HK1: variants seen among roughly 807,000 people sequenced by gnomAD.
HK1 encodes hexokinase-1.
A neutral mutation model predicts 91.6 loss-of-function variants in HK1; 28 were observed. The ratio of observed to expected loss-of-function variants is 0.31; its 90% CI spans 0.23 to 0.42. The LOEUF (loss-of-function observed/expected upper bound fraction) is 0.42, where lower values mean the gene tolerates loss of function less well. HK1 is among the 10% of genes least tolerant of loss of function. The probability of loss-of-function intolerance (pLI) is 1.00; values close to 1 mark genes in which losing one functional copy is unlikely to be tolerated. For missense variants in HK1, 770 were observed against 1,219.8 expected, an observed-to-expected ratio of 0.63 and a Z score of 5.49; for synonymous variants, 430 against 468.1, an observed-to-expected ratio of 0.92 and a Z score of 1.05.
At chr10:69,304,560 G>C (rs1453528870) in intron 5 of HK1, among the ~76,000 whole-genome samples, 1 of 152,150 alleles carries the variant, frequency 6.6e-6, no homozygotes, top group Non-Finnish European at 1.5e-5. Context: ...CGCTCGCCTT[G>C]GCCTCCCAAA....
intron 3 of HK1, among the ~76,000 whole-genome samples, chr10:69,289,896 C>G (rs1279656389): frequency 6.6e-6 from 1 of 151,416 alleles, no homozygotes; most frequent in East Asian, 1.9e-4. Flanking sequence ...GTTGGGATTA[C>G]AGTGTGAGCC....
At chr10:69,349,472 T>A (rs1156409950) in intron 2 of HK1, among the ~76,000 whole-genome samples, 1 of 152,220 alleles carries the variant, frequency 6.6e-6, no homozygotes, top group Non-Finnish European at 1.5e-5. Flanking sequence ...TCCTAACCAA[T>A]GGAGCCAGTC....
At chr10:69,300,925 G>T (rs1394047405) in intron 5 of HK1, 10 of 877,696 alleles carry the variant, frequency 1.1e-5, no homozygotes, top group South Asian at 9.8e-5. Context: ...TTTCAGCAAG[G>T]TTATAGGATA....
At chr10:69,316,390 G>A (rs1846642024), upstream of HK1, among the ~76,000 whole-genome samples, 1 of 152,246 alleles carries the variant, frequency 6.6e-6, no homozygotes, top group Admixed American at 6.5e-5. Context: ...ATGAGGCCAG[G>A]AGCCGAGGAG....
intron 1 of HK1, among the ~76,000 whole-genome samples, chr10:69,336,201 G>GT (rs1297134942): frequency 3.3e-5 from 5 of 151,950 alleles, no homozygotes; most frequent in Admixed American, 1.3e-4. Flanking sequence ...CTTTTTTGTT[G>GT]TTTTTTTGAG....
chr10:69,384,418 G>C lies in HK1; in HGVS notation c.1656G>C (p.Thr552=). 9 of 1,614,158 alleles carry C rather than the reference G, an allele frequency of 5.6e-6. No homozygotes were observed. Among genetic ancestry groups the C allele is most frequent in the East Asian group, 2.2e-5 (1 of 44,890 alleles). ...LVKIRSGKKR[T]VEMHNKIYAI... Reference sequence around the variant, plus strand: ...AAATCCGTAGTGGGAAAAAGAGAACGGTGGAAATGCACAACAAGATCTACG... The same window carrying C: ...AAATCCGTAGTGGGAAAAAGAGAACCGTGGAAATGCACAACAAGATCTACG... The change falls in exon 11 of 18, where the codon ACG becomes ACC. Residue 552 remains threonine, a synonymous_variant. Coordinates refer to ENST00000359426, the MANE Select transcript of HK1 (RefSeq NM_000188.3).
intron 2 of HK1, among the ~76,000 whole-genome samples, chr10:69,355,085 A>G (rs1463189141): frequency 1.3e-5 from 2 of 151,542 alleles, no homozygotes; most frequent in East Asian, 3.9e-4. Context: ...AAAAAAAAAA[A>G]AAAAAAAGAT....
At chr10:69,391,891 T>C (rs1282681280) in intron 14 of HK1, among the ~76,000 whole-genome samples, 1 of 152,204 alleles carries the variant, frequency 6.6e-6, no homozygotes, top group Non-Finnish European at 1.5e-5. Context: ...GGTGAACACA[T>C]TGGCTCTTGG....
At chr10:69,270,853 G>A (rs137869021) in intron 1 of HK1, among the ~76,000 whole-genome samples, 131 of 152,300 alleles carry the variant, frequency 8.6e-4, no homozygotes, top group African/African-American at 3.0e-3. Context: ...TGTCCCCAGA[G>A]CCTACATACT....
At chr10:69,342,196 A>AACAAACAC (rs139012850) in intron 1 of HK1, among the ~76,000 whole-genome samples, 12,448 of 151,640 alleles carry the variant, frequency 0.082, 585 homozygotes, top group African/African-American at 0.1. Flanking sequence ...CAAACAAACA[A>AACAAACAC]AGGAAAAAAC....
At chr10:69,273,426 C>A (rs1337825929) in intron 1 of HK1, among the ~76,000 whole-genome samples, 1 of 152,202 alleles carries the variant, frequency 6.6e-6, no homozygotes, top group Non-Finnish European at 1.5e-5. Flanking sequence ...CCGTGTCAGC[C>A]AGGATGGTCT....
intron 1 of HK1, among the ~76,000 whole-genome samples, chr10:69,326,982 G>A (rs1201142645): frequency 1.4e-5 from 2 of 146,726 alleles, no homozygotes; most frequent in South Asian, 2.2e-4. Flanking sequence ...ATATGGTATT[G>A]CTTTGTGTGG....
intron 7 of HK1, among the ~76,000 whole-genome samples, chr10:69,371,692 T>C (rs1040237325): frequency 5.9e-5 from 9 of 152,178 alleles, no homozygotes; most frequent in African/African-American, 2.2e-4. Context: ...CTGCATGGCT[T>C]GGGTGTAAAC....
chr10:69,332,884 GTAGGCA>G (rs1847807258), intron 1 of HK1, among the ~76,000 whole-genome samples: 3 of 152,146 alleles, frequency 2.0e-5, no homozygotes. Context: ...GGCTAACAGA[GTAGGCA>G]GACAACAGAG....
In HK1 at chr10:69,392,295, G is replaced by T; in HGVS notation, c.2206G>T (p.Ala736Ser). 1 of 1,614,202 alleles carries T rather than the reference G, an allele frequency of 6.2e-7. No individual in the cohort carries two copies. The highest frequency in any genetic ancestry group is 8.5e-7 in the Non-Finnish European group (1 of 1,180,030). Residue 736 changes from alanine (A) to serine (S), a missense_variant, in exon 15 of 18, where the codon GCT becomes TCT. Ala to Ser is a moderately conservative substitution (Grantham distance 99). Coordinates refer to ENST00000359426, the MANE Select transcript of HK1 (RefSeq NM_000188.3). ...ACTGGTGGACGAATATTCCCTAAAT[G>T]CTGGGAAACAAAGGTAACCCCGCCT... ...DRLVDEYSLNAGKQRYEKMIS... is the reference protein window; with the variant it reads ...DRLVDEYSLNSGKQRYEKMIS...
intron 4 of HK1, chr10:69,300,381 T>C: frequency 1.8e-6 from 1 of 541,450 alleles, no homozygotes. Context: ...ATTTTGTTTT[T>C]TGCTTTTTTT....
chr10:69,400,263 G>A (rs144760950), intron 17 of HK1, among the ~76,000 whole-genome samples: 95 of 152,270 alleles, frequency 6.2e-4, no homozygotes, highest in Middle Eastern at 3.4e-3. Flanking sequence ...ACCGCACTCC[G>A]CCCACCTAAT....
chr10:69,318,808 G>C, upstream of HK1: 2 of 1,396,220 alleles, frequency 1.4e-6, no homozygotes, highest in Non-Finnish European at 1.9e-6. Flanking sequence ...AGCTGTCGCC[G>C]CGCCCCGGGC....
chr10:69,323,875 TGTGTCTGCAGTC>T (rs1385786754), intron 1 of HK1, among the ~76,000 whole-genome samples: 1 of 152,164 alleles, frequency 6.6e-6, no homozygotes, highest in Non-Finnish European at 1.5e-5. Context: ...ACTGTCTGTG[TGTGTCTGCAGTC>T]AGGGATTCCT....
Sources: gnomAD v4.1 joint callset for allele counts (sites outside exome capture counted in the v4.1 genomes callset) on GRCh38, gnomAD v4.1.1 for gene constraint, MANE v1.5 for transcripts, NCBI Gene and HGNC (gene_info 2026-07-23, HGNC 2026-07-21) for gene names.